The following EXD3 variants were observed in gnomAD, a reference collection of about 807,000 sequenced individuals.
EXD3 encodes exonuclease mut-7 homolog.
Under a neutral mutation model 98.0 loss-of-function variants are expected in EXD3, and 92 were observed. The observed-to-expected ratio is 0.94, with a 90% CI of 0.79 to 1.12. The LOEUF (loss-of-function observed/expected upper bound fraction) is 1.12. Among genes scored for constraint, EXD3 ranks in the 50% most tolerant of loss-of-function variants. EXD3 has a pLI of 0.00. For synonymous variants in EXD3, 569 were observed against 526.0 expected (o/e 1.08, Z -1.12); for missense variants, 1,222 against 1,191.6 (o/e 1.03, Z -0.38).
chr9:137,346,226 A>G (rs1005178952), intron 17 of EXD3, among the ~76,000 whole-genome samples: 13 of 133,350 alleles, frequency 9.7e-5, no homozygotes, highest in African/African-American at 2.6e-4. Flanking sequence ...GAGACAGAGC[A>G]AGACTCCGTC....
intron 17 of EXD3, among the ~76,000 whole-genome samples, chr9:137,330,101 A>C (rs1832933113): frequency 1.8e-5 from 1 of 57,036 alleles, no homozygotes; most frequent in South Asian, 6.3e-4. Flanking sequence ...ACAGGGCTCC[A>C]CAGGAGCTAC....
At chr9:137,348,825 C>A (rs1410002231) in intron 16 of EXD3, among the ~76,000 whole-genome samples, 4 of 147,742 alleles carry the variant, frequency 2.7e-5, no homozygotes, top group East Asian at 3.9e-4. Flanking sequence ...GGGCTAGATG[C>A]TGCCTTGGGC....
In EXD3 at chr9:137,412,130, C is replaced by T. The variant is rs183520083; in HGVS notation, c.-48+10984G>A. On this transcript the variant is annotated intron_variant, in intron 1 of 21. Transcript: ENST00000340951. ...CCCTGCAGCCGCCACCCCCAGGATGCGGCAAGGACAGGGGGCTGGAGGCCG... is the reference window on the plus strand; with the variant it reads ...CCCTGCAGCCGCCACCCCCAGGATGTGGCAAGGACAGGGGGCTGGAGGCCG... Among the ~76,000 whole-genome samples the T allele has an allele frequency of 2.2e-3, 334 of 152,320 alleles. 2 individuals carry two copies. Among genetic ancestry groups the T allele is most frequent in the African/African-American group, 7.8e-3 (324 of 41,568 alleles).
Position 137,351,234 on chromosome 9 carries a change from C to T in EXD3, c.1384+84G>A, listed in dbSNP as rs545668606. ...CCCAGGGTGCACCCAGCACCCTCCC[C>T]GGGGCACACGGAGGGAAGGGTCAGG... is the stretch of plus-strand genomic sequence containing the variant. On this transcript the variant is annotated intron_variant, in intron 13 of 21. Transcript: ENST00000340951. 3.0e-5 allele frequency: 46 copies of T among 1,532,040 alleles called. 1 individual carries two copies. Among genetic ancestry groups the T allele is most frequent in the South Asian group, 1.4e-4 (12 of 82,934 alleles). 94.9% of individuals were successfully genotyped at this position (1,532,040 alleles called of 1,614,324 possible). A position where few individuals can be genotyped will look rare whatever the true frequency, so the allele number is the denominator to read the frequency against.
At position 137,354,654 on chromosome 9, in the gene EXD3, T is replaced by A. The variant is rs1012524549; in HGVS notation, c.831+46A>T. On this transcript the variant is annotated intron_variant, in intron 9 of 21. Coordinates refer to ENST00000340951, the MANE Select transcript of EXD3 (RefSeq NM_017820.5). ...AGTATCCCAGGCCAAACTCTGTGGC[T>A]CAGGCCGCGGCTGGCTGCCCCCAGG... 3.7e-6 allele frequency: 6 copies of A among 1,605,718 alleles called. No individual in the cohort carries two copies. The Admixed American group carries it at 8.4e-5, about 23-fold the overall frequency.
At chr9:137,333,031 G>C (rs1460403772) in intron 17 of EXD3, among the ~76,000 whole-genome samples, 1 of 152,184 alleles carries the variant, frequency 6.6e-6, no homozygotes, top group Non-Finnish European at 1.5e-5. Context: ...CCCACCCTCA[G>C]TGGGCACCGT....
Position 137,367,960 on chromosome 9 carries a change from C to T in EXD3, c.492G>A (p.Leu164=). Residue 164 remains leucine (L), a synonymous_variant, in exon 6 of 22, where the codon CTG becomes CTA. Transcript: ENST00000340951. ...CCTTTTCAACGCCAAGCTCCGACTG[C>T]AGCTTCAACGTCGCGCCCAGCGTGG... ...EAATLGATLK[L]QSELGVEKMS... is the part of the protein sequence containing the mutation. The T allele has an allele frequency of 1.2e-6, 2 of 1,611,980 alleles. No homozygotes were observed. Among genetic ancestry groups the T allele is most frequent in the Non-Finnish European group, 1.7e-6 (2 of 1,179,722 alleles).
At chr9:137,394,511 TC>T (rs1837106919) in intron 2 of EXD3, among the ~76,000 whole-genome samples, 1 of 139,176 alleles carries the variant, frequency 7.2e-6, no homozygotes, top group African/African-American at 2.8e-5. Flanking sequence ...AACCCCGGCC[TC>T]CCAGCCTCCG....
rs1405248294 is a variant in EXD3 at position 137,371,851 on chromosome 9, G to T, written c.462+1054C>A. Among the ~76,000 whole-genome samples the T allele has an allele frequency of 6.6e-6, 1 of 151,896 alleles. No individual in the cohort carries two copies. Among genetic ancestry groups the T allele is most frequent in the African/African-American group, 2.4e-5 (1 of 41,350 alleles). The stretch of plus-strand genomic sequence containing the variant: ...CTGGGATCTGGAATCTCAGGGCACC[G>T]AGAAGTCATGGGGGCTCCCCTGCAC... On this transcript the variant is annotated intron_variant, in intron 5 of 21. Coordinates refer to ENST00000340951, the MANE Select transcript of EXD3 (RefSeq NM_017820.5). The surrounding 1 kb of genome is among the most constrained non-coding windows in gnomAD (Gnocchi z 8.0).
At position 137,324,140 on chromosome 9, in the gene EXD3, C is replaced by T; in HGVS notation, c.2002G>A (p.Ala668Thr). Residue 668 changes from alanine (A) to threonine (T), a missense_variant, in exon 18 of 22, where the codon GCC becomes ACC. Transcript: ENST00000340951. This position sits in a 1 kb window ranked among gnomAD's most constrained non-coding sequence, Gnocchi z 4.1. ...AGAATGATCCTCCCCTCCTGCCTGGCAACCTGTGTGGGAGGTGCGACCAGC... is the reference window on the plus strand; with the variant it reads ...AGAATGATCCTCCCCTCCTGCCTGGTAACCTGTGTGGGAGGTGCGACCAGC... ...GEDHRRAAEV[A>T]RQEGRIILTS... 6.3e-7 allele frequency: 1 copy of T among 1,578,584 alleles called. No homozygotes were observed. Among genetic ancestry groups the T allele is most frequent in the Non-Finnish European group, 8.6e-7 (1 of 1,162,850 alleles).
At chr9:137,414,196 C>T (rs556820096) in intron 1 of EXD3, among the ~76,000 whole-genome samples, 8 of 152,336 alleles carry the variant, frequency 5.3e-5, no homozygotes, top group Non-Finnish European at 1.0e-4. Context: ...GGATTACAGG[C>T]GTGAGCCACC....
chr9:137,366,366 G>T, intron 7 of EXD3, 127 bp downstream of exon 7: 3 of 1,361,040 alleles, frequency 2.2e-6, no homozygotes, highest in South Asian at 2.5e-5. Context: ...TGGCAGCTGT[G>T]ACCCAAACAC....
intron 19 of EXD3, among the ~76,000 whole-genome samples, chr9:137,314,732 G>A (rs1028410240): frequency 6.6e-6 from 1 of 152,164 alleles, no homozygotes; most frequent in African/African-American, 2.4e-5. Flanking sequence ...GTGGGGGATG[G>A]GCCTCGGGCA....
chr9:137,374,775 A>C (rs1045049218), intron 3 of EXD3: 2 of 985,366 alleles, frequency 2.0e-6, no homozygotes, highest in Admixed American at 6.1e-5. Flanking sequence ...TGGGAAGAAA[A>C]GGAAAGCCGC....
At chr9:137,388,152 G>A (rs1039513690) in intron 2 of EXD3, among the ~76,000 whole-genome samples, 2 of 152,162 alleles carry the variant, frequency 1.3e-5, no homozygotes, top group African/African-American at 4.8e-5. Flanking sequence ...TCTCTCTGGG[G>A]GGCTGAATCA....
intron 17 of EXD3, among the ~76,000 whole-genome samples, chr9:137,330,095 G>GA (rs1158122298): frequency 1.6e-5 from 2 of 129,028 alleles, no homozygotes; most frequent in African/African-American, 3.1e-5. Flanking sequence ...AGCTACACAG[G>GA]GCTCCACAGG....
At chr9:137,326,022 T>C (rs997800813) in intron 17 of EXD3, among the ~76,000 whole-genome samples, 3 of 143,418 alleles carry the variant, frequency 2.1e-5, no homozygotes, top group Non-Finnish European at 4.5e-5. Flanking sequence ...AAGGCTGCAG[T>C]GGGCCGTGTT....
At chr9:137,376,785 T>C (rs1034509194) in intron 3 of EXD3, among the ~76,000 whole-genome samples, 2 of 151,434 alleles carry the variant, frequency 1.3e-5, no homozygotes, top group Non-Finnish European at 2.9e-5. Flanking sequence ...CAAAATTAGC[T>C]AGGCATGGTG....
chr9:137,327,124 T>G (rs1454075382), intron 17 of EXD3, among the ~76,000 whole-genome samples: 1 of 150,304 alleles, frequency 6.7e-6, no homozygotes, highest in Non-Finnish European at 1.5e-5. Context: ...AGATAACTAT[T>G]GGTACGGAGT....
Sources: allele counts gnomAD v4.1 joint callset (sites outside exome capture counted in the v4.1 genomes callset), GRCh38; gene constraint gnomAD v4.1.1; non-coding constraint Gnocchi (gnomAD v3.1); transcripts MANE v1.5; gene names NCBI Gene and HGNC (gene_info 2026-07-23, HGNC 2026-07-21).